Variants in CPNE1 observed in about 807,000 individuals in gnomAD.
CPNE1 encodes copine-1.
CPNE1 carries 58 observed loss-of-function variants against 63.2 expected under a neutral mutation model. The observed-to-expected ratio is 0.92, with a 90% CI of 0.74 to 1.14. CPNE1 has a LOEUF of 1.14. Among genes scored for constraint, CPNE1 ranks in the 50% most tolerant of loss-of-function variants. The pLI is 0.00. For synonymous variants in CPNE1, 237 were observed against 249.0 expected, an observed-to-expected ratio of 0.95 and a Z score of 0.45; for missense variants, 672 against 661.7, an observed-to-expected ratio of 1.02 and a Z score of -0.17.
At chr20:35,629,273 A>G (rs1056251114) in intron 13 of CPNE1, among the ~76,000 whole-genome samples, 1 of 152,238 alleles carries the variant, frequency 6.6e-6, no homozygotes, top group African/African-American at 2.4e-5. Context: ...GTCTGAACTT[A>G]TGTTGAAATA....
chr20:35,639,488 C>T (rs1006442302), intron 1 of CPNE1, among the ~76,000 whole-genome samples: 1 of 152,140 alleles, frequency 6.6e-6, no homozygotes, highest in African/African-American at 2.4e-5. Context: ...AGGCACCTGC[C>T]ATCATGCCCG....
At position 35,627,325 on chromosome 20, in the gene CPNE1, A is replaced by G. The variant is rs1433643711; in HGVS notation, c.1191T>C (p.His397=). 1.9e-6 allele frequency: 3 copies of G among 1,613,690 alleles called. No individual in the cohort carries two copies. The highest frequency in any genetic ancestry group is 1.3e-5 in the African/African-American group (1 of 74,792). ...CAGCCTGGGCTGCAAACCTGGCCACATGGTTGATGATGGGTGCAAAGTTGG... is the reference window on the plus strand; with the variant it reads ...CAGCCTGGGCTGCAAACCTGGCCACGTGGTTGATGATGGGTGCAAAGTTGG... ...GPTNFAPIIN[H]VARFAAQAAH... Residue 397 remains histidine, a synonymous_variant, in exon 14 of 16, where the codon CAT becomes CAC. Coordinates refer to ENST00000397443, the MANE Select transcript of CPNE1 (RefSeq NM_152925.3).
chr20:35,632,462 C>A, intron 3 of CPNE1, 55 bp downstream of exon 3: 2 of 1,602,884 alleles, frequency 1.2e-6, no homozygotes, highest in Non-Finnish European at 1.7e-6. Context: ...TCCAGGCAGG[C>A]TAGGTTGTCT....
chr20:35,631,081 A>G lies in CPNE1; in HGVS notation c.861+33T>C, dbSNP rs777820960. On this transcript the variant is annotated intron_variant, in intron 10 of 15. Coordinates refer to ENST00000397443, the MANE Select transcript of CPNE1 (RefSeq NM_152925.3). Reference sequence around the variant, plus strand: ...AGCTAAAGGCCACCCTGAGCCCCAGACCTGTTCTCTTGCCCTTGGTAAAGT... The same window carrying G: ...AGCTAAAGGCCACCCTGAGCCCCAGGCCTGTTCTCTTGCCCTTGGTAAAGT... 191 of 1,614,104 alleles carry G rather than the reference A, an allele frequency of 1.2e-4. 1 individual carries two copies. In the Middle Eastern group the frequency reaches 2.1e-3, roughly 18 times the overall value.
chr20:35,663,280 T>A (rs908428571), intron 1 of CPNE1, among the ~76,000 whole-genome samples: 4 of 152,232 alleles, frequency 2.6e-5, no homozygotes, highest in Admixed American at 2.6e-4. Context: ...GATTTCCCTA[T>A]GTGTCCAGAC....
rs748109549 is a variant in CPNE1 at position 35,649,729 on chromosome 20, C to T, written c.-1+15031G>A. On this transcript the variant is annotated intron_variant, in intron 1 of 15. Coordinates refer to ENST00000397443, the MANE Select transcript of CPNE1 (RefSeq NM_152925.3). ...ACATACATTTGTAGATTTCTCTAATCCTTTAAATCAAAAGAAAAATGAACA... is the reference window on the plus strand; with the variant it reads ...ACATACATTTGTAGATTTCTCTAATTCTTTAAATCAAAAGAAAAATGAACA... The T allele has an allele frequency of 5.3e-5, 8 of 152,098 alleles. No homozygotes were observed. The South Asian group carries it at 1.5e-3, about 28-fold the overall frequency. The allele number at this position is 152,098 out of a possible 1,614,324, so 9.4% of individuals were successfully genotyped here. A position where few individuals can be genotyped will look rare whatever the true frequency, so the allele number is the denominator to read the frequency against.
In CPNE1 at chr20:35,626,585, G is replaced by A; in HGVS notation, c.1455C>T (p.Pro485=). The change falls in exon 15 of 16, where the codon CCC becomes CCT. Residue 485 remains proline (P), a synonymous_variant. Coordinates refer to ENST00000397443, the MANE Select transcript of CPNE1 (RefSeq NM_152925.3). ...AAARDIVQFV[P]YRRFQNAPRE... is the part of the protein sequence containing the mutation. ...TACTCACATTCTGGAACCGGCGGTAGGGTACAAACTGCACAATGTCGCGGG... is the reference window on the plus strand; with the variant it reads ...TACTCACATTCTGGAACCGGCGGTAAGGTACAAACTGCACAATGTCGCGGG... The A allele has an allele frequency of 6.2e-7, 1 of 1,614,154 alleles. No individual in the cohort carries two copies. Among genetic ancestry groups the A allele is most frequent in the East Asian group, 2.2e-5 (1 of 44,886 alleles).
intron 1 of CPNE1, among the ~76,000 whole-genome samples, chr20:35,641,266 A>C (rs2032789174): frequency 6.6e-6 from 1 of 152,246 alleles, no homozygotes; most frequent in Admixed American, 6.5e-5. Flanking sequence ...AGTGAAATGA[A>C]GACTAGAACT....
intron 1 of CPNE1, chr20:35,655,133 T>C: frequency 6.2e-7 from 1 of 1,614,184 alleles, no homozygotes; most frequent in East Asian, 2.2e-5. Context: ...GACCCTTTAA[T>C]TGTACCACCT....
intron 1 of CPNE1, chr20:35,643,269 G>A (rs1384922441): frequency 1.9e-5 from 3 of 157,476 alleles, no homozygotes; most frequent in African/African-American, 2.4e-5. Context: ...TCCCGAAGCT[G>A]CATGCTCGAT....
intron 1 of CPNE1, chr20:35,649,159 G>A (rs2033329121): frequency 6.6e-6 from 1 of 152,322 alleles, no homozygotes; most frequent in Non-Finnish European, 1.5e-5. Flanking sequence ...TTTTGCAAGG[G>A]TGGAAAATAA....
intron 1 of CPNE1, chr20:35,653,849 T>C: frequency 6.2e-7 from 1 of 1,613,964 alleles, no homozygotes. Flanking sequence ...ATGTACTGTT[T>C]ATGACGACAC....
chr20:35,644,060 A>G (rs2032973697), intron 1 of CPNE1, among the ~76,000 whole-genome samples: 1 of 151,592 alleles, frequency 6.6e-6, no homozygotes, highest in Non-Finnish European at 1.5e-5. Context: ...CCCCACCTGT[A>G]AAGTAGGGAT....
rs200599189 is a variant in CPNE1 at position 35,631,737 on chromosome 20, G to A, written c.578C>T (p.Ser193Leu). Residue 193 changes from serine (S) to leucine (L), a missense_variant, in exon 7 of 16, where the codon TCA becomes TTA. Transcript: ENST00000397443. ...ACCACAGAAATGCTGAACGGGGACT[G>A]AGAAACGCTTCCATGTAGGGTTCAG... ...NNLNPTWKRF[S>L]VPVQHFCGGN... is the part of the protein sequence containing the mutation. 5.6e-6 allele frequency: 9 copies of A among 1,613,956 alleles called. No individual in the cohort carries two copies. Among genetic ancestry groups the A allele is most frequent in the Non-Finnish European group, 7.6e-6 (9 of 1,180,012 alleles).
chr20:35,653,202 G>A (rs780875961), intron 1 of CPNE1: 1 of 1,613,512 alleles, frequency 6.2e-7, no homozygotes, highest in Non-Finnish European at 8.5e-7. Flanking sequence ...CTACAGTCAG[G>A]AAGGCATGCT....
chr20:35,630,840 T>G (rs754365577), intron 11 of CPNE1, 45 bp from the exon 12 acceptor site: 3 of 1,605,926 alleles, frequency 1.9e-6, no homozygotes, highest in Non-Finnish European at 2.6e-6. Context: ...GAGGGGACTG[T>G]AAGCTCAGAG....
chr20:35,644,948 A>T (rs79995033), intron 1 of CPNE1, among the ~76,000 whole-genome samples: 3,973 of 152,300 alleles, frequency 0.026, 62 homozygotes, highest in Non-Finnish European at 0.043. Context: ...ATCTGTATCA[A>T]AATTTTCAAA....
rs182616406 is a variant in CPNE1, at chr20:35,626,822, A to G, written c.1237-19T>C. ...AGTATTGCTGGGGACAAGCCCATTC[A>G]TGTCCTGAAGCAGATCCTCCTCCTA... On this transcript the variant is annotated intron_variant, in intron 14 of 15. Transcript: ENST00000397443. 1.3e-6 allele frequency: 2 copies of G among 1,596,840 alleles called. No individual in the cohort carries two copies. Among genetic ancestry groups the G allele is most frequent in the Admixed American group, 1.7e-5 (1 of 59,976 alleles).
intron 1 of CPNE1, among the ~76,000 whole-genome samples, chr20:35,657,689 TA>T (rs2033979729): frequency 1.3e-5 from 2 of 152,228 alleles, no homozygotes; most frequent in African/African-American, 4.8e-5. Flanking sequence ...GGCTGAATAT[TA>T]AACCAAAGTG....
Sources: gnomAD v4.1 joint callset for allele counts (sites outside exome capture counted in the v4.1 genomes callset) on GRCh38, gnomAD v4.1.1 for gene constraint, MANE v1.5 for transcripts, NCBI Gene and HGNC (gene_info 2026-07-23, HGNC 2026-07-21) for gene names.